Variants in TEX11 observed in about 807,000 individuals in gnomAD.
TEX11 encodes testis expressed 11, also known as testis-expressed protein 11.
TEX11 carries 7 observed loss-of-function variants against 84.4 expected under a neutral mutation model. The observed-to-expected ratio is 0.08, with a 90% CI of 0.05 to 0.16. The LOEUF (loss-of-function observed/expected upper bound fraction) is 0.16. Among genes scored for constraint, TEX11 ranks in the 10% least tolerant of loss-of-function variants. The pLI is 1.00. For missense variants in TEX11, 551 were observed against 660.5 expected (o/e 0.83, Z 1.82); for synonymous variants, 264 against 222.8 (o/e 1.18, Z -1.64).
chrX:70,634,169 C>G (rs1218776361), intron 17 of TEX11, among the ~76,000 whole-genome samples: 2 of 111,076 alleles, frequency 1.8e-5, no homozygotes, highest in Admixed American at 9.6e-5. Context: ...ACAAAAGATG[C>G]AGAAGACAGG....
At chrX:70,895,374 G>A (rs762586229) in intron 2 of TEX11, among the ~76,000 whole-genome samples, 35 of 111,365 alleles carry the variant, frequency 3.1e-4, no homozygotes, top group Non-Finnish European at 4.3e-4. Flanking sequence ...AATAAGCGGG[G>A]ACACAAACAA....
intron 9 of TEX11, among the ~76,000 whole-genome samples, chrX:70,799,559 A>C (rs934604369): frequency 8.9e-6 from 1 of 111,833 alleles, no homozygotes; most frequent in Admixed American, 9.5e-5. Context: ...CATCCCAAAA[A>C]ACTGTTGCTA....
At chrX:70,520,587 A>G in the TEX11 span, among the ~76,000 whole-genome samples, 5 of 112,520 alleles carry the variant, frequency 4.4e-5, no homozygotes, top group Non-Finnish European at 7.5e-5. Context: ...GTTAGGCTAC[A>G]TGGGGCTCAG....
At chrX:70,678,911 G>C in intron 14 of TEX11, 22 bp from the exon 15 acceptor site, 1 of 1,133,053 alleles carries the variant, frequency 8.8e-7, no homozygotes, top group Non-Finnish European at 1.2e-6. Context: ...AAAAAGCTCT[G>C]AAAATAAGAA....
intron 28 of TEX11, among the ~76,000 whole-genome samples, chrX:70,544,699 T>C (rs1345625851): frequency 1.8e-5 from 2 of 108,755 alleles, no homozygotes; most frequent in Non-Finnish European, 3.8e-5. Flanking sequence ...ATTAGCCAGA[T>C]GTGGTGGCAC....
At chrX:70,538,248 T>C (rs2087987823) in intron 28 of TEX11, among the ~76,000 whole-genome samples, 1 of 111,057 alleles carries the variant, frequency 9.0e-6, no homozygotes. Flanking sequence ...TAGGTAAGGA[T>C]TTGGGAAATA....
At chrX:70,813,061 A>T (rs369371214) in intron 8 of TEX11, among the ~76,000 whole-genome samples, 2 of 111,820 alleles carry the variant, frequency 1.8e-5, no homozygotes, top group African/African-American at 6.5e-5. Flanking sequence ...CATTTCAATC[A>T]ATAGAAAAAG....
intron 13 of TEX11, among the ~76,000 whole-genome samples, chrX:70,691,848 T>A (rs1354556558): frequency 1.8e-5 from 2 of 111,493 alleles, no homozygotes; most frequent in Non-Finnish European, 3.8e-5. Context: ...ATGAAGTGGA[T>A]ATGTTAATTA....
At chrX:70,560,967 T>C (rs1198136119) in intron 25 of TEX11, among the ~76,000 whole-genome samples, 1 of 92,875 alleles carries the variant, frequency 1.1e-5, no homozygotes, top group Non-Finnish European at 2.1e-5. Context: ...TAGGCCATAC[T>C]TGAACTCCTG....
At chrX:70,820,745 G>C (rs75755895) in intron 8 of TEX11, among the ~76,000 whole-genome samples, 8,484 of 110,896 alleles carry the variant, frequency 0.077, 491 homozygotes, top group Admixed American at 0.28. Flanking sequence ...CTATTGTGAG[G>C]AATAGCACCA....
chrX:70,747,899 T>G (rs896106713), intron 9 of TEX11, among the ~76,000 whole-genome samples: 1 of 111,332 alleles, frequency 9.0e-6, no homozygotes, highest in Non-Finnish European at 1.9e-5. Context: ...CTCCTAATGC[T>G]TATTATTTTT....
chrX:70,713,231 G>C (rs1461032566), intron 13 of TEX11, among the ~76,000 whole-genome samples: 2 of 111,781 alleles, frequency 1.8e-5, no homozygotes, highest in Non-Finnish European at 3.8e-5. Context: ...ATGTTCATCA[G>C]GAATATTGGT....
intron 9 of TEX11, among the ~76,000 whole-genome samples, chrX:70,797,651 G>T (rs1303026314): frequency 1.9e-5 from 2 of 107,050 alleles, no homozygotes; most frequent in Admixed American, 2.0e-4. Context: ...AATACAGCAC[G>T]ATCAACTAGG....
intron 9 of TEX11, among the ~76,000 whole-genome samples, chrX:70,750,933 A>ATAT (rs1556039355): frequency 0.018 from 516 of 28,133 alleles, 17 homozygotes; most frequent in Non-Finnish European, 0.027. Context: ...AAAAAAAAAA[A>ATAT]ATATATATAT....
In TEX11 at chrX:70,552,138, G is replaced by A; in HGVS notation, c.2508C>T (p.His836=). 1 of 1,209,510 alleles carries A rather than the reference G, an allele frequency of 8.3e-7. No individual in the cohort carries two copies. The highest frequency in any genetic ancestry group is 1.1e-6 in the Non-Finnish European group (1 of 894,790). ...CTATTTGACTTACAGTGCGGCTAAT[G>A]TGGCTCAGAGCATCTTCAAAATAGC... ...VWGYFEDALS[H]ISRTKDYPEM... The change falls in exon 28 of 30, where the codon CAC becomes CAT. Residue 836 remains histidine (H), a synonymous_variant. Transcript: ENST00000374333.
chrX:70,577,700 T>C (rs972820097), intron 25 of TEX11, among the ~76,000 whole-genome samples: 6 of 110,332 alleles, frequency 5.4e-5, no homozygotes, highest in African/African-American at 2.0e-4. Context: ...CCTTGATGTG[T>C]TCATTTAATA....
chrX:70,738,797 C>T (rs1363550752), intron 11 of TEX11, among the ~76,000 whole-genome samples: 2 of 111,492 alleles, frequency 1.8e-5, no homozygotes, highest in African/African-American at 6.5e-5. Flanking sequence ...ATGTCCTTTG[C>T]AGGGACATGG....
chrX:70,833,279 AAAAAGAAAAGAAAAGAAAAG>A (rs201329658), intron 8 of TEX11, among the ~76,000 whole-genome samples: 6 of 103,337 alleles, frequency 5.8e-5, no homozygotes, highest in African/African-American at 1.1e-4. Context: ...CAGAAAAAAA[AAAAAGAAAAGAAAAGAAAAG>A]AAAAGAAAAG....
chrX:70,547,506 T>C (rs991895618), intron 28 of TEX11, among the ~76,000 whole-genome samples: 2 of 111,340 alleles, frequency 1.8e-5, no homozygotes, highest in African/African-American at 3.3e-5. Context: ...AGAAAATTTT[T>C]GCAACCTACT....
Sources: allele counts gnomAD v4.1 joint callset (sites outside exome capture counted in the v4.1 genomes callset), GRCh38; gene constraint gnomAD v4.1.1; transcripts MANE v1.5; gene names NCBI Gene and HGNC (gene_info 2026-07-23, HGNC 2026-07-21).